The following DENND1A variants were observed in gnomAD, a reference collection of about 807,000 sequenced individuals.
The protein encoded by DENND1A is DENN domain containing 1A.
Under a neutral mutation model 113.7 loss-of-function variants are expected in DENND1A, and 51 were observed. The observed-to-expected ratio is 0.45, with a 90% CI of 0.36 to 0.57. The LOEUF (loss-of-function observed/expected upper bound fraction) is 0.57. Among genes scored for constraint, DENND1A ranks in the 20% least tolerant of loss-of-function variants. The pLI is 0.00. For synonymous variants in DENND1A, 565 were observed against 570.8 expected (o/e 0.99, Z 0.14); for missense variants, 1,258 against 1,395.9 (o/e 0.90, Z 1.57).
At chr9:123,552,024 A>C (rs1009988116) in intron 13 of DENND1A, among the ~76,000 whole-genome samples, 9 of 142,336 alleles carry the variant, frequency 6.3e-5, no homozygotes, top group South Asian at 2.2e-4. Context: ...AGAGCGAGAG[A>C]GAGAGAGAGA....
intron 1 of DENND1A, among the ~76,000 whole-genome samples, chr9:123,888,651 T>C (rs79924686): frequency 0.017 from 2,633 of 152,284 alleles, 37 homozygotes; most frequent in South Asian, 0.034. Context: ...ATATCTGGCC[T>C]TAATCTTCAA....
chr9:123,488,348 A>G (rs2051067532), intron 13 of DENND1A, among the ~76,000 whole-genome samples: 1 of 152,250 alleles, frequency 6.6e-6, no homozygotes, highest in African/African-American at 2.4e-5. Flanking sequence ...GACAATGGTA[A>G]TAAATATGTA....
In DENND1A at chr9:123,480,457, G is replaced by A. The variant is rs1024680639; in HGVS notation, c.994-22560C>T. Among the ~76,000 whole-genome samples the A allele has an allele frequency of 4.6e-5, 7 of 152,300 alleles. No homozygotes were observed. The South Asian group carries it at 6.2e-4, about 14-fold the overall frequency. ...GCTACAGGCCTGGAGCTTCCCATAC[G>A]CTGTGCTTTCAAACCTCTTTGCTTT... is the stretch of plus-strand genomic sequence containing the variant. On this transcript the variant is annotated intron_variant, in intron 13 of 23. Coordinates refer to ENST00000394215, the MANE Select transcript of DENND1A (RefSeq NM_001352964.2).
At chr9:123,443,116 A>C (rs937140229) in intron 18 of DENND1A, among the ~76,000 whole-genome samples, 1 of 152,162 alleles carries the variant, frequency 6.6e-6, no homozygotes, top group Non-Finnish European at 1.5e-5. Flanking sequence ...AGGGCTCAGA[A>C]GGGGTAACTT....
chr9:123,910,435 T>G (rs1269695150), intron 1 of DENND1A, among the ~76,000 whole-genome samples: 1 of 152,334 alleles, frequency 6.6e-6, no homozygotes, highest in East Asian at 1.9e-4. Context: ...TTAACCTTGA[T>G]GTATAACTTA....
intron 2 of DENND1A, among the ~76,000 whole-genome samples, chr9:123,795,779 A>G (rs1357471910): frequency 6.6e-6 from 1 of 152,236 alleles, no homozygotes; most frequent in Non-Finnish European, 1.5e-5. Flanking sequence ...TCTCACATTC[A>G]TAAGTTCATC....
intron 13 of DENND1A, among the ~76,000 whole-genome samples, chr9:123,551,572 A>G (rs1278114270): frequency 6.6e-6 from 1 of 152,134 alleles, no homozygotes; most frequent in Non-Finnish European, 1.5e-5. Context: ...CTGTGTGTAA[A>G]GGGCTAGTGA....
At chr9:123,866,574 T>C (rs961236047) in intron 2 of DENND1A, among the ~76,000 whole-genome samples, 8 of 152,218 alleles carry the variant, frequency 5.3e-5, no homozygotes, top group Non-Finnish European at 8.8e-5. Context: ...AAAAATTTCA[T>C]TTCTTAATGA....
At chr9:123,576,564 C>G (rs2058649986) in intron 12 of DENND1A, among the ~76,000 whole-genome samples, 1 of 152,076 alleles carries the variant, frequency 6.6e-6, no homozygotes, top group African/African-American at 2.4e-5. Context: ...AGTGGGGCAG[C>G]CTCGGCTCAC....
chr9:123,641,934 A>T (rs186444338), intron 9 of DENND1A, among the ~76,000 whole-genome samples: 124 of 152,288 alleles, frequency 8.1e-4, no homozygotes, highest in Non-Finnish European at 1.1e-3. Context: ...CATAATGCTA[A>T]TCCATGGATC....
chr9:123,539,612 G>C (rs1458368596), intron 13 of DENND1A, among the ~76,000 whole-genome samples: 1 of 152,096 alleles, frequency 6.6e-6, no homozygotes, highest in African/African-American at 2.4e-5. Flanking sequence ...GTTTTGGAAA[G>C]TGTTGGTCTT....
intron 2 of DENND1A, among the ~76,000 whole-genome samples, chr9:123,818,565 C>CATATATATAT (rs1366921470): frequency 2.0e-4 from 9 of 45,414 alleles, no homozygotes; most frequent in African/African-American, 3.9e-4. Flanking sequence ...CACACACACA[C>CATATATATAT]ACATATATAT....
At chr9:123,690,008 GAAAGGAGGGAAGGAGGGAGGGAAGA>G (rs1353365716) in intron 5 of DENND1A, among the ~76,000 whole-genome samples, 22 of 144,004 alleles carry the variant, frequency 1.5e-4, no homozygotes, top group African/African-American at 4.6e-4. Context: ...AAGGGAAAGG[GAAAGGAGGGAAGGAGGGAGGGAAGA>G]AAAGGAGGGA....
intron 18 of DENND1A, among the ~76,000 whole-genome samples, chr9:123,443,615 C>A (rs774180335): frequency 6.6e-6 from 1 of 152,234 alleles, no homozygotes; most frequent in Non-Finnish European, 1.5e-5. Context: ...CAACAGCTTC[C>A]TCTCAGGATG....
chr9:123,427,996 GA>G (rs907456141), intron 19 of DENND1A, among the ~76,000 whole-genome samples: 3 of 152,106 alleles, frequency 2.0e-5, no homozygotes, highest in Non-Finnish European at 4.4e-5. Flanking sequence ...GCCAATAAAT[GA>G]GGCAAAATAA....
At chr9:123,530,666 T>A (rs192626178) in intron 13 of DENND1A, among the ~76,000 whole-genome samples, 16 of 152,180 alleles carry the variant, frequency 1.1e-4, no homozygotes, top group Admixed American at 1.0e-3. Flanking sequence ...GATTTGTACA[T>A]GTGAGTGTCC....
intron 2 of DENND1A, among the ~76,000 whole-genome samples, chr9:123,818,762 C>A (rs959559354): frequency 1.3e-5 from 2 of 152,064 alleles, no homozygotes; most frequent in African/African-American, 4.8e-5. Flanking sequence ...CATGTCAGCA[C>A]CACAAGGCTT....
At chr9:123,793,115 A>C (rs977881373) in intron 2 of DENND1A, among the ~76,000 whole-genome samples, 2 of 152,214 alleles carry the variant, frequency 1.3e-5, no homozygotes, top group Admixed American at 6.5e-5. Flanking sequence ...TATCCTTCTC[A>C]AAATGCTTGT....
At chr9:123,502,237 C>T (rs1330677904) in intron 13 of DENND1A, among the ~76,000 whole-genome samples, 1 of 152,084 alleles carries the variant, frequency 6.6e-6, no homozygotes, top group Non-Finnish European at 1.5e-5. Flanking sequence ...GACTATAATA[C>T]AGGCTCCATA....
Sources: gnomAD v4.1 joint callset for allele counts (sites outside exome capture counted in the v4.1 genomes callset) on GRCh38, gnomAD v4.1.1 for gene constraint, MANE v1.5 for transcripts, NCBI Gene and HGNC (gene_info 2026-07-23, HGNC 2026-07-21) for gene names.